Variants in ABR observed in about 807,000 individuals in gnomAD.
ABR encodes the protein ABR activator of RhoGEF and GTPase.
ABR carries 35 observed loss-of-function variants against 107.2 expected under a neutral mutation model. The ratio of observed to expected loss-of-function variants is 0.33; its 90% CI spans 0.25 to 0.43. ABR has a LOEUF of 0.43. Ranked by LOEUF, ABR falls within the 20% of genes least tolerant of loss-of-function variation. ABR has a pLI of 1.00. For missense variants in ABR, 815 were observed against 1,115.2 expected, an observed-to-expected ratio of 0.73 and a Z score of 3.83; for synonymous variants, 498 against 462.0, an observed-to-expected ratio of 1.08 and a Z score of -1.00.
intron 1 of ABR, among the ~76,000 whole-genome samples, chr17:1,151,228 CAGA>C (rs2040781179): frequency 6.6e-6 from 1 of 152,192 alleles, no homozygotes. Context: ...TACCACACCT[CAGA>C]AGCTCAGCAA....
rs376689300 is a variant in ABR, at chr17:1,010,813, C to T, written c.2152G>A (p.Ala718Thr). ...MLSDMDINAI[A>T]GTLKLYFREL... is the part of the protein sequence containing the mutation. ...CGGAAGTACAGCTTGAGCGTCCCGG[C>T]GATGGCGTTGATGTCCATGTCACTC... The change falls in exon 20 of 23, where the codon GCC becomes ACC. Residue 718 changes from alanine (A) to threonine (T), a missense_variant. Physicochemically the swap from Ala to Thr is moderately conservative, Grantham distance 58. Transcript: ENST00000302538. This position sits in a 1 kb window ranked among gnomAD's most constrained non-coding sequence, Gnocchi z 4.1. The T allele has an allele frequency of 9.9e-6, 16 of 1,613,764 alleles. No individual in the cohort carries two copies. In the African/African-American group the frequency reaches 1.3e-4, roughly 13 times the overall value.
exon 1 of ABR, chr17:1,186,927 G>A (rs928191205): frequency 2.6e-5 from 4 of 152,476 alleles, no homozygotes; most frequent in East Asian, 1.9e-4. Context: ...ACAAGAGCAC[G>A]TCCAGCTGGG....
At chr17:1,106,819 C>G (rs1017483721) in intron 2 of ABR, among the ~76,000 whole-genome samples, 1 of 152,210 alleles carries the variant, frequency 6.6e-6, no homozygotes, top group Non-Finnish European at 1.5e-5. Context: ...CGTGTGCCAC[C>G]GCATCTGGCC....
chr17:1,055,083 C>G (rs887405566), intron 14 of ABR, among the ~76,000 whole-genome samples: 1 of 152,142 alleles, frequency 6.6e-6, no homozygotes, highest in African/African-American at 2.4e-5. Context: ...ATAAAAAGCG[C>G]AACCAGGCCG....
intron 16 of ABR, among the ~76,000 whole-genome samples, chr17:1,022,000 A>C (rs970915665): frequency 2.1e-4 from 32 of 148,904 alleles, no homozygotes; most frequent in African/African-American, 7.5e-4. Flanking sequence ...CTCTACTAAA[A>C]ATACAAAATT....
chr17:1,012,528 C>A (rs969746627), intron 18 of ABR, 160 bp downstream of exon 18: 1 of 704,514 alleles, frequency 1.4e-6, no homozygotes, highest in South Asian at 1.5e-5. Flanking sequence ...GTGAGCGCCT[C>A]TGCGGCCACT....
intron 14 of ABR, chr17:1,055,419 G>T (rs2589493): frequency 6.6e-6 from 1 of 152,502 alleles, no homozygotes; most frequent in Non-Finnish European, 1.5e-5. Flanking sequence ...GAGAGGTTAA[G>T]AAACTTGCCC....
At chr17:1,228,142 T>G (rs962873571) in intron 1 of ABR, 3 of 152,198 alleles carry the variant, frequency 2.0e-5, no homozygotes, top group Non-Finnish European at 2.9e-5. Flanking sequence ...GAAAACGAGA[T>G]GGGCCTAAGC....
At chr17:1,062,420 C>A (rs1369024703) in intron 10 of ABR, among the ~76,000 whole-genome samples, 3 of 139,654 alleles carry the variant, frequency 2.1e-5, no homozygotes, top group African/African-American at 5.3e-5. Context: ...GTTACGTGAA[C>A]TGAGGGCTAT....
At chr17:1,222,043 G>A (rs531755236) in intron 1 of ABR, among the ~76,000 whole-genome samples, 11 of 151,518 alleles carry the variant, frequency 7.3e-5, no homozygotes, top group Non-Finnish European at 1.6e-4. Context: ...TCGAGGAAGA[G>A]TAACGATAAC....
Position 1,150,099 on chromosome 17 carries a change from A to G in ABR, c.62-24732T>C, listed in dbSNP as rs1016565761. On this transcript the variant is annotated intron_variant, in intron 1 of 22. Coordinates refer to ENST00000302538, the MANE Select transcript of ABR (RefSeq NM_021962.5). The surrounding 1 kb of genome is among the most constrained non-coding windows in gnomAD (Gnocchi z 4.8). ...TTTCTCCCCATAGTCCCGGCCTGGGAGAGACACCGAGAGGAAGGCCAGCTT... is the reference window on the plus strand; with the variant it reads ...TTTCTCCCCATAGTCCCGGCCTGGGGGAGACACCGAGAGGAAGGCCAGCTT... Among the ~76,000 whole-genome samples, 3 of 151,478 alleles carry G rather than the reference A, an allele frequency of 2.0e-5. No individual in the cohort carries two copies. The highest frequency in any genetic ancestry group is 7.3e-5 in the African/African-American group (3 of 41,200).
chr17:1,225,089 C>T (rs1345935024), intron 1 of ABR, among the ~76,000 whole-genome samples: 3 of 149,902 alleles, frequency 2.0e-5, no homozygotes, highest in South Asian at 4.2e-4. Context: ...GCAGAGCTTG[C>T]AGGGAGCCCA....
intron 6 of ABR, among the ~76,000 whole-genome samples, chr17:1,075,626 G>A (rs2035637443): frequency 6.6e-6 from 1 of 152,188 alleles, no homozygotes; most frequent in Admixed American, 6.5e-5. Flanking sequence ...CCAAATCTCT[G>A]CAAGACCACA....
At position 1,005,475 on chromosome 17, in the gene ABR, G is replaced by A. The variant is rs1386878849; in HGVS notation, c.*605C>T. The A allele has an allele frequency of 2.3e-5, 6 of 262,722 alleles. No homozygotes were observed. Among genetic ancestry groups the A allele is most frequent in the African/African-American group, 8.8e-5 (4 of 45,484 alleles). 16.3% of individuals were successfully genotyped at this position (262,722 alleles called of 1,614,324 possible). A position where few individuals can be genotyped will look rare whatever the true frequency, so the allele number is the denominator to read the frequency against. ...CGGAGTCTGAGGAGGGGCCGGCAGCGGCAAACGGCAGCATCAAACAGACCA... is the reference window on the plus strand; with the variant it reads ...CGGAGTCTGAGGAGGGGCCGGCAGCAGCAAACGGCAGCATCAAACAGACCA... On this transcript the variant is annotated 3_prime_UTR_variant, in exon 23 of 23. Transcript: ENST00000302538.
intron 1 of ABR, among the ~76,000 whole-genome samples, chr17:1,173,749 G>A (rs1420612329): frequency 1.3e-5 from 2 of 152,146 alleles, no homozygotes; most frequent in African/African-American, 2.4e-5. Context: ...GAGGGCCTGT[G>A]CGGGAGCCGC....
At chr17:1,040,090 G>A (rs968165403) in intron 16 of ABR, among the ~76,000 whole-genome samples, 1 of 152,174 alleles carries the variant, frequency 6.6e-6, no homozygotes, top group African/African-American at 2.4e-5. Context: ...GAGGACCCAC[G>A]TTACCGGCCG....
chr17:1,138,580 T>C (rs933355949), intron 1 of ABR, among the ~76,000 whole-genome samples: 1 of 152,084 alleles, frequency 6.6e-6, no homozygotes, highest in African/African-American at 2.4e-5. Context: ...TGGGCTCAGA[T>C]GATCCCCCTG....
intron 1 of ABR, among the ~76,000 whole-genome samples, chr17:1,228,488 G>A (rs527359150): frequency 2.2e-4 from 33 of 152,316 alleles, no homozygotes; most frequent in Admixed American, 1.6e-3. Flanking sequence ...GGGCCAGGCC[G>A]GAGGGAGGGG....
Position 1,125,354 on chromosome 17 carries a change from C to G in ABR, c.75G>C (p.Gly25=). Residue 25 remains glycine, a synonymous_variant, in exon 2 of 23, where the codon GGG becomes GGC. Transcript: ENST00000302538. The part of the protein sequence containing the change: ...IDTLYSNFSY[G]TDEYDGEGNE... Reference sequence around the variant, plus strand: ...TCCCCTCTCCGTCGTACTCGTCCGTCCCGTAGCTGAAGTCTGAGACAAGGA... The same window carrying G: ...TCCCCTCTCCGTCGTACTCGTCCGTGCCGTAGCTGAAGTCTGAGACAAGGA... 1 of 1,613,594 alleles carries G rather than the reference C, an allele frequency of 6.2e-7. No individual in the cohort carries two copies. The highest frequency in any genetic ancestry group is 8.5e-7 in the Non-Finnish European group (1 of 1,179,982).
Sources: gnomAD v4.1 joint callset for allele counts (sites outside exome capture counted in the v4.1 genomes callset) on GRCh38, gnomAD v4.1.1 for gene constraint, Gnocchi (gnomAD v3.1) non-coding constraint, MANE v1.5 for transcripts, NCBI Gene and HGNC (gene_info 2026-07-23, HGNC 2026-07-21) for gene names.